PCNX1: variants seen among roughly 807,000 people sequenced by gnomAD.
PCNX1 encodes the protein pecanex-like protein 1.
In PCNX1, 78 loss-of-function variants were observed where a neutral mutation model predicts 242.2. The observed-to-expected ratio is 0.32, with a 90% CI of 0.27 to 0.39. The LOEUF is 0.39. Among genes scored for constraint, PCNX1 ranks in the 10% least tolerant of loss-of-function variants. The pLI is 1.00. For missense variants in PCNX1, 2,581 were observed against 2,856.5 expected (o/e 0.90, Z 2.20); for synonymous variants, 1,024 against 1,032.9 (o/e 0.99, Z 0.17).
At chr14:70,984,488 G>A (rs758968389) in intron 6 of PCNX1, among the ~76,000 whole-genome samples, 4 of 151,012 alleles carry the variant, frequency 2.6e-5, no homozygotes, top group East Asian at 3.9e-4. Flanking sequence ...CTGAGTTCAC[G>A]CCATTCTCCT....
intron 2 of PCNX1, among the ~76,000 whole-genome samples, chr14:70,954,701 C>T (rs1279278802): frequency 6.6e-6 from 1 of 152,102 alleles, no homozygotes; most frequent in African/African-American, 2.4e-5. Context: ...GTTCCCTTGT[C>T]TATATGATCA....
intron 2 of PCNX1, among the ~76,000 whole-genome samples, chr14:70,949,266 TATGCACACAC>T (rs1566608305): frequency 0.019 from 448 of 24,096 alleles, 5 homozygotes; most frequent in African/African-American, 0.052. Flanking sequence ...CACACACGTG[TATGCACACAC>T]GTGTATACAC....
chr14:71,064,574 G>A (rs769674044), intron 26 of PCNX1, among the ~76,000 whole-genome samples: 33 of 152,162 alleles, frequency 2.2e-4, no homozygotes, highest in Non-Finnish European at 4.7e-4. Flanking sequence ...AAAGAAAAAT[G>A]AAGTAGTAAC....
intron 14 of PCNX1, 72 bp downstream of exon 14, chr14:71,026,360 A>T (rs893921837): frequency 1.1e-6 from 1 of 918,428 alleles, no homozygotes; most frequent in African/African-American, 1.7e-5. Context: ...TGATAAATAT[A>T]TCAATTATAC....
At chr14:71,012,791 C>G (rs2059857666) in intron 10 of PCNX1, 194 bp from the exon 11 acceptor site, 3 of 520,910 alleles carry the variant, frequency 5.8e-6, no homozygotes, top group Non-Finnish European at 1.0e-5. Flanking sequence ...GAGATTGCAC[C>G]ACTGTACTTC....
intron 5 of PCNX1, among the ~76,000 whole-genome samples, chr14:70,972,767 A>G (rs1391454548): frequency 6.6e-6 from 1 of 152,172 alleles, no homozygotes; most frequent in African/African-American, 2.4e-5. Context: ...TTCACTTCTA[A>G]GATAATCTAC....
intron 19 of PCNX1, among the ~76,000 whole-genome samples, chr14:71,039,037 A>T (rs2060628824): frequency 6.6e-6 from 1 of 151,644 alleles, no homozygotes; most frequent in African/African-American, 2.4e-5. Context: ...TCACATGGAC[A>T]CAGGAAGGGG....
chr14:70,935,009 C>A (rs951340331), intron 1 of PCNX1, among the ~76,000 whole-genome samples: 9 of 142,902 alleles, frequency 6.3e-5, no homozygotes, highest in African/African-American at 2.3e-4. Context: ...TGTGTATGCA[C>A]TTTTACCCCC....
At chr14:70,957,249 G>A (rs937051807) in intron 2 of PCNX1, among the ~76,000 whole-genome samples, 9 of 151,904 alleles carry the variant, frequency 5.9e-5, no homozygotes, top group African/African-American at 1.5e-4. Context: ...TTGGCCTCCC[G>A]CGTGCTAGGA....
rs760957972 is a variant in PCNX1, at chr14:70,947,141, A to T, written c.362+18A>T. The T allele has an allele frequency of 4.0e-6, 6 of 1,511,360 alleles. No homozygotes were observed. Among genetic ancestry groups the T allele is most frequent in the Non-Finnish European group, 5.5e-6 (6 of 1,093,326 alleles). 93.6% of individuals were successfully genotyped at this position (1,511,360 alleles called of 1,614,324 possible). A position where few individuals can be genotyped will look rare whatever the true frequency, so the allele number is the denominator to read the frequency against. ...GGACCGAGGTAAGGAAACCTATGTC[A>T]TTGATTGATCGTAATGATTTAGATT... On this transcript the variant is annotated intron_variant, in intron 2 of 35. Coordinates refer to ENST00000304743, the MANE Select transcript of PCNX1 (RefSeq NM_014982.3).
intron 3 of PCNX1, among the ~76,000 whole-genome samples, chr14:70,967,605 T>C (rs1230449786): frequency 2.0e-5 from 3 of 152,230 alleles, no homozygotes; most frequent in Non-Finnish European, 4.4e-5. Context: ...TCCTTATAGT[T>C]TGTGCTAAAA....
chr14:70,970,963 A>G (rs144292840), intron 5 of PCNX1, among the ~76,000 whole-genome samples: 34 of 152,310 alleles, frequency 2.2e-4, no homozygotes, highest in African/African-American at 7.0e-4. Flanking sequence ...TGGCACTGTT[A>G]TTATTCTCAC....
chr14:71,028,736 T>C lies in PCNX1; in HGVS notation c.3503T>C (p.Ile1168Thr), dbSNP rs139378708. The C allele has an allele frequency of 1.1e-4, 179 of 1,608,780 alleles. No individual in the cohort carries two copies. The African/African-American group carries it at 1.2e-3, about 11-fold the overall frequency. Residue 1168 changes from isoleucine (I) to threonine (T), a missense_variant, in exon 16 of 36, where the codon ATC (isoleucine) becomes ACC (threonine). Physicochemically the swap from Ile to Thr is moderately conservative, Grantham distance 89 (BLOSUM62 -1). Around this residue, in one of 9 missense-constraint regions of PCNX1, gnomAD observed 432 missense variants for 443.1 expected, o/e 0.97. Transcript: ENST00000304743. ...TSLLAALYSF[I>T]CSIVAVALLY... ...CTGCTTGCAGCACTTTACAGTTTTA[T>C]CTGTAGCATTGTTGCAGTAGCCTTA... is the stretch of plus-strand genomic sequence containing the variant.
At position 71,111,753 on chromosome 14, in the gene PCNX1, A is replaced by G. The variant is rs2062757377; in HGVS notation, c.*1818A>G. ...TTTTAAACTTTTGTGGTCATTCAGA[A>G]CCTAATGTGCCTTGTGTTGACATTT... On this transcript the variant is annotated 3_prime_UTR_variant, in exon 36 of 36. Coordinates refer to ENST00000304743, the MANE Select transcript of PCNX1 (RefSeq NM_014982.3). 1 of 152,162 alleles carries G rather than the reference A, an allele frequency of 6.6e-6. No homozygotes were observed. Among genetic ancestry groups the G allele is most frequent in the Non-Finnish European group, 1.5e-5 (1 of 67,966 alleles). 9.4% of individuals were successfully genotyped at this position (152,162 alleles called of 1,614,324 possible).
At chr14:70,911,072 G>C (rs1566810269) in intron 1 of PCNX1, among the ~76,000 whole-genome samples, 1 of 150,614 alleles carries the variant, frequency 6.6e-6, no homozygotes, top group Non-Finnish European at 1.5e-5. Flanking sequence ...CCAACATTTT[G>C]TGTTAAAATC....
At chr14:70,933,579 A>C (rs998697799) in intron 1 of PCNX1, among the ~76,000 whole-genome samples, 1 of 152,220 alleles carries the variant, frequency 6.6e-6, no homozygotes, top group African/African-American at 2.4e-5. Context: ...AGTAGAGTTG[A>C]GTAGTTCCAA....
Position 71,087,808 on chromosome 14 carries a change from T to A in PCNX1, c.5338-522T>A, listed in dbSNP as rs2062030535. ...AGGAGACTTAGCAGCTTCTTTCAAT[T>A]GTAAGGCATGTAATTGTTAAAAAAT... On this transcript the variant is annotated intron_variant, in intron 28 of 35. Transcript: ENST00000304743. Among the ~76,000 whole-genome samples, 3 of 152,104 alleles carry A rather than the reference T, an allele frequency of 2.0e-5. No homozygotes were observed. The South Asian group carries it at 6.2e-4, about 32-fold the overall frequency.
At position 71,112,797 on chromosome 14, in the gene PCNX1, A is replaced by G. The variant is rs1377152512; in HGVS notation, c.*2862A>G. On this transcript the variant is annotated 3_prime_UTR_variant, in exon 36 of 36. Coordinates refer to ENST00000304743, the MANE Select transcript of PCNX1 (RefSeq NM_014982.3). ...AACTAAAATACTAGCTTTTTTATTC[A>G]TTTCCTTTTGGTGGAGTTGTATGAT... 1 of 152,038 alleles carries G rather than the reference A, an allele frequency of 6.6e-6. No homozygotes were observed. The highest frequency in any genetic ancestry group is 2.4e-5 in the African/African-American group (1 of 41,432). 9.4% of individuals were successfully genotyped at this position (152,038 alleles called of 1,614,324 possible).
intron 13 of PCNX1, among the ~76,000 whole-genome samples, chr14:71,024,738 G>C (rs1310489091): frequency 6.6e-6 from 1 of 152,124 alleles, no homozygotes; most frequent in Non-Finnish European, 1.5e-5. Context: ...TTCTTTGCTT[G>C]AGGGTGCGGA....
Sources: allele counts gnomAD v4.1 joint callset (sites outside exome capture counted in the v4.1 genomes callset), GRCh38; gene constraint gnomAD v4.1.1; regional missense constraint gnomAD v4.1.1; transcripts MANE v1.5; gene names NCBI Gene and HGNC (gene_info 2026-07-23, HGNC 2026-07-21).